The following MITF variants were observed in gnomAD, a reference collection of about 807,000 sequenced individuals.
MITF encodes the protein microphthalmia-associated transcription factor.
Under a neutral mutation model 60.5 loss-of-function variants are expected in MITF, and 17 were observed. That is an observed-to-expected ratio of 0.28 (90% CI 0.19 to 0.42). The LOEUF (loss-of-function observed/expected upper bound fraction) is 0.42. MITF is among the 10% of genes least tolerant of loss of function. The probability of loss-of-function intolerance (pLI) is 1.00; values close to 1 mark genes in which losing one functional copy is unlikely to be tolerated. For synonymous variants in MITF, 260 were observed against 248.5 expected (o/e 1.05, Z -0.43); for missense variants, 622 against 683.5 (o/e 0.91, Z 1.00).
At chr3:69,846,202 A>AGCG (rs1559670358) in intron 1 of MITF, among the ~76,000 whole-genome samples, 1 of 150,778 alleles carries the variant, frequency 6.6e-6, no homozygotes, top group African/African-American at 2.4e-5. Flanking sequence ...TCTAAATTAA[A>AGCG]TGAGCTGTGC....
intron 1 of MITF, among the ~76,000 whole-genome samples, chr3:69,775,311 G>T (rs935383725): frequency 1.3e-5 from 2 of 152,182 alleles, no homozygotes; most frequent in African/African-American, 4.8e-5. Flanking sequence ...AAGTGAAAGG[G>T]TAAATGACTG....
chr3:69,768,172 C>T (rs1045483919), intron 1 of MITF, among the ~76,000 whole-genome samples: 6 of 152,176 alleles, frequency 3.9e-5, no homozygotes, highest in Non-Finnish European at 1.5e-5. Flanking sequence ...TCTTAGGGTC[C>T]ATGCTCTCCA....
chr3:69,833,613 ATTACACTGTATGTGGTTGTTTTTCTAT>A (rs2063489718), intron 1 of MITF, among the ~76,000 whole-genome samples: 1 of 128,390 alleles, frequency 7.8e-6, no homozygotes, highest in Admixed American at 7.8e-5. Flanking sequence ...TTCTGTTTAC[ATTACACTGTATGTGGTTGTTTTTCTAT>A]TTACACTGTA....
At chr3:69,857,860 C>A (rs1384430633) in intron 1 of MITF, among the ~76,000 whole-genome samples, 1 of 151,990 alleles carries the variant, frequency 6.6e-6, no homozygotes, top group Non-Finnish European at 1.5e-5. Flanking sequence ...ACTCTTCCTT[C>A]TTTTATTCAT....
chr3:69,771,306 A>C (rs1186860562), intron 1 of MITF, among the ~76,000 whole-genome samples: 2 of 152,144 alleles, frequency 1.3e-5, no homozygotes, highest in African/African-American at 4.8e-5. Context: ...AAATTGGGCA[A>C]AATCAACAGC....
Position 69,739,533 on chromosome 3 carries a change from A to G in MITF, c.-65A>G, listed in dbSNP as rs1007998291. ...CGGCTCGGGGGACCCAGGCCCAGCT[A>G]CCTTCCCTCCGCCCCCGGGCTCTGT... On this transcript the variant is annotated 5_prime_UTR_variant, in exon 1 of 10. Coordinates refer to ENST00000352241, the MANE Select transcript of MITF (RefSeq NM_001354604.2). The G allele has an allele frequency of 4.0e-5, 57 of 1,429,334 alleles. No homozygotes were observed. The African/African-American group carries it at 6.8e-4, about 17-fold the overall frequency. 88.5% of individuals were successfully genotyped at this position (1,429,334 alleles called of 1,614,324 possible).
chr3:69,967,326 C>T lies in MITF; in HGVS notation c.*2078C>T, dbSNP rs975667923. 2.2e-5 allele frequency: 5 copies of T among 232,498 alleles called. No homozygotes were observed. In the Admixed American group the frequency reaches 2.3e-4, roughly 10 times the overall value. The allele number at this position is 232,498 out of a possible 1,614,324, so 14.4% of individuals were successfully genotyped here. A position where few individuals can be genotyped will look rare whatever the true frequency, so the allele number is the denominator to read the frequency against. ...TTCCTAGAATAGTGACGCAAATCTG[C>T]ATGAACAGCTAATTGTACCATAGTG... On this transcript the variant is annotated 3_prime_UTR_variant, in exon 10 of 10. Coordinates refer to ENST00000352241, the MANE Select transcript of MITF (RefSeq NM_001354604.2).
rs1402146117 is a variant in MITF at position 69,965,082 on chromosome 3, G to A, written c.1415G>A (p.Ser472Asn). The A allele has an allele frequency of 6.2e-7, 1 of 1,614,114 alleles. No homozygotes were observed. Among genetic ancestry groups the A allele is most frequent in the Non-Finnish European group, 8.5e-7 (1 of 1,180,018 alleles). ...GTGTEANQAY[S>N]VPTKMGSKLE... ...GGGACTGAGGCCAACCAAGCCTATA[G>A]TGTCCCCACAAAAATGGGATCCAAA... Residue 472 changes from serine to asparagine, a missense_variant, in exon 10 of 10, where the codon AGT becomes AAT. This residue lies in a region of MITF where 224 missense variants were observed against 209.5 expected (regional missense o/e 1.07). Transcript: ENST00000352241.
chr3:69,787,116 C>T (rs2062662993), intron 1 of MITF, among the ~76,000 whole-genome samples: 1 of 152,140 alleles, frequency 6.6e-6, no homozygotes, highest in Non-Finnish European at 1.5e-5. Flanking sequence ...TCCACGATAG[C>T]AAAGGAGAAG....
intron 1 of MITF, among the ~76,000 whole-genome samples, chr3:69,873,122 T>A (rs2064275468): frequency 6.6e-6 from 1 of 152,178 alleles, no homozygotes; most frequent in Non-Finnish European, 1.5e-5. Context: ...CCAAGTTAGG[T>A]GTTGACAGAA....
At chr3:69,815,965 G>C (rs755599014) in intron 1 of MITF, among the ~76,000 whole-genome samples, 1 of 152,080 alleles carries the variant, frequency 6.6e-6, no homozygotes, top group Non-Finnish European at 1.5e-5. Flanking sequence ...ACCCAAGTGT[G>C]GTCTTTCTGG....
At chr3:69,765,251 G>T (rs1428288674) in intron 1 of MITF, among the ~76,000 whole-genome samples, 1 of 152,124 alleles carries the variant, frequency 6.6e-6, no homozygotes, top group Non-Finnish European at 1.5e-5. Flanking sequence ...ATGAGTTTTA[G>T]CGAAGATTTG....
chr3:69,934,054 C>G (rs1019970388), intron 2 of MITF, among the ~76,000 whole-genome samples: 58 of 152,202 alleles, frequency 3.8e-4, no homozygotes, highest in African/African-American at 1.3e-3. Context: ...CATAGAGAGG[C>G]TATGTCACAC....
intron 5 of MITF, among the ~76,000 whole-genome samples, chr3:69,947,676 G>A (rs1182137388): frequency 6.6e-6 from 1 of 152,116 alleles, no homozygotes; most frequent in African/African-American, 2.4e-5. Flanking sequence ...GCAAAAGAGG[G>A]AGTTGTATTC....
At chr3:69,932,622 T>G (rs1349459629) in intron 2 of MITF, among the ~76,000 whole-genome samples, 1 of 152,340 alleles carries the variant, frequency 6.6e-6, no homozygotes, top group African/African-American at 2.4e-5. Flanking sequence ...TTGTTTTTAC[T>G]TTTTGTTAAG....
At chr3:69,924,569 C>T (rs747931230) in intron 2 of MITF, among the ~76,000 whole-genome samples, 7 of 152,222 alleles carry the variant, frequency 4.6e-5, no homozygotes, top group African/African-American at 7.2e-5. Flanking sequence ...GAACCCTTCG[C>T]GTAACCCATC....
At chr3:69,760,460 G>C (rs2062195637) in intron 1 of MITF, among the ~76,000 whole-genome samples, 1 of 152,216 alleles carries the variant, frequency 6.6e-6, no homozygotes, top group Non-Finnish European at 1.5e-5. Context: ...CTAACCCATA[G>C]ACATGCACCC....
chr3:69,923,086 A>G lies in MITF; in HGVS notation c.355-14736A>G, dbSNP rs560823623. ...TTTATAATAAAGCACAAAAACAAAT[A>G]CTCAGAAGAAATAGTGATTACATAG... On this transcript the variant is annotated intron_variant, in intron 2 of 9. Coordinates refer to ENST00000352241, the MANE Select transcript of MITF (RefSeq NM_001354604.2). Among the ~76,000 whole-genome samples, 9 of 152,272 alleles carry G rather than the reference A, an allele frequency of 5.9e-5. No individual in the cohort carries two copies. In the East Asian group the frequency reaches 1.7e-3, roughly 29 times the overall value.
Position 69,939,180 on chromosome 3 carries a change from A to G in MITF, c.665A>G (p.Gln222Arg). 1 of 1,613,842 alleles carries G rather than the reference A, an allele frequency of 6.2e-7. No individual in the cohort carries two copies. The highest frequency in any genetic ancestry group is 8.5e-7 in the Non-Finnish European group (1 of 1,179,826). ...ACACATTCACGAGCGTCCTGTATGC[A>G]GGTACTGAATGACTTGGCAGCCTGA... is the stretch of plus-strand genomic sequence containing the variant. ...MNTHSRASCM[Q>R]MDDVIDDIIS... The change falls in exon 4 of 10, where the codon CAG becomes CGG. Residue 222 changes from glutamine (Q) to arginine (R), a missense_variant and splice_region_variant. Coordinates refer to ENST00000352241, the MANE Select transcript of MITF (RefSeq NM_001354604.2).
Sources: allele counts gnomAD v4.1 joint callset (sites outside exome capture counted in the v4.1 genomes callset), GRCh38; gene constraint gnomAD v4.1.1; regional missense constraint gnomAD v4.1.1; transcripts MANE v1.5; gene names NCBI Gene and HGNC (gene_info 2026-07-23, HGNC 2026-07-21).